The following ECT2L variants were observed in gnomAD, a reference collection of about 807,000 sequenced individuals.
ECT2L encodes the protein epithelial cell transforming 2 like.
ECT2L carries 126 observed loss-of-function variants against 122.8 expected under a neutral mutation model. The observed-to-expected ratio is 1.03, with a 90% CI of 0.89 to 1.19. The LOEUF is 1.19. Among genes scored for constraint, ECT2L ranks in the 50% most tolerant of loss-of-function variants. ECT2L has a pLI of 0.00. For synonymous variants in ECT2L, 385 were observed against 381.8 expected (o/e 1.01, Z -0.10); for missense variants, 1,012 against 1,064.1 (o/e 0.95, Z 0.68).
chr6:138,879,171 A>G, intron 14 of ECT2L: 1 of 267,558 alleles, frequency 3.7e-6, no homozygotes, highest in South Asian at 4.0e-5. Context: ...CGCCTCATTG[A>G]CAAGCCTTGC....
chr6:138,849,813 C>G (rs528964665), intron 9 of ECT2L, among the ~76,000 whole-genome samples: 1 of 152,248 alleles, frequency 6.6e-6, no homozygotes, highest in Non-Finnish European at 1.5e-5. Context: ...CTTAGCCTCT[C>G]AAAGGGCTGG....
intron 12 of ECT2L, among the ~76,000 whole-genome samples, chr6:138,867,402 C>T (rs776227349): frequency 4.0e-5 from 6 of 151,896 alleles, no homozygotes; most frequent in Non-Finnish European, 5.9e-5. Context: ...GGGTCCAGTA[C>T]GGTGGCTCAT....
intron 1 of ECT2L, 56 bp downstream of exon 1, chr6:138,796,248 A>G (rs1365054952): frequency 6.6e-6 from 1 of 152,274 alleles, no homozygotes; most frequent in Non-Finnish European, 1.5e-5. Context: ...CCCGGGGCAC[A>G]TCGCCTGGGC....
chr6:138,896,510 T>C (rs1162728573), intron 20 of ECT2L, among the ~76,000 whole-genome samples: 2 of 152,204 alleles, frequency 1.3e-5, no homozygotes, highest in African/African-American at 2.4e-5. Flanking sequence ...GATACTAGAC[T>C]TTGGTCCAGA....
chr6:138,847,559 T>A (rs958440412), intron 8 of ECT2L, among the ~76,000 whole-genome samples: 1 of 146,424 alleles, frequency 6.8e-6, no homozygotes, highest in East Asian at 2.0e-4. Context: ...TTTTTTTTTT[T>A]AGTAAAGACG....
chr6:138,868,691 G>A (rs1778137377), intron 13 of ECT2L, among the ~76,000 whole-genome samples: 1 of 152,056 alleles, frequency 6.6e-6, no homozygotes, highest in African/African-American at 2.4e-5. Flanking sequence ...GCTGGGGATG[G>A]GTGTAGGAGA....
chr6:138,872,318 C>A (rs2128402977), intron 13 of ECT2L, among the ~76,000 whole-genome samples: 1 of 152,318 alleles, frequency 6.6e-6, no homozygotes, highest in Non-Finnish European at 1.5e-5. Flanking sequence ...ACCAGCTAAC[C>A]ACATGCTAGA....
chr6:138,824,541 TAAAA>T (rs147704560), intron 4 of ECT2L, among the ~76,000 whole-genome samples: 2 of 121,310 alleles, frequency 1.6e-5, no homozygotes, highest in South Asian at 5.2e-4. Context: ...AAAAAAGCAA[TAAAA>T]AAAAAAAAAC....
intron 3 of ECT2L, 22 bp downstream of exon 3, chr6:138,813,362 A>G (rs906935871): frequency 4.5e-6 from 7 of 1,569,542 alleles, no homozygotes; most frequent in Non-Finnish European, 5.2e-6. Flanking sequence ...ACTTTAAAAC[A>G]GAACAAGTTT....
chr6:138,894,621 G>A (rs938626526), intron 20 of ECT2L, among the ~76,000 whole-genome samples: 2 of 152,294 alleles, frequency 1.3e-5, no homozygotes, highest in East Asian at 3.9e-4. Context: ...CTTGCCTAGG[G>A]CAATTGTTCC....
At chr6:138,862,356 A>G (rs1777863865) in intron 10 of ECT2L, among the ~76,000 whole-genome samples, 1 of 152,132 alleles carries the variant, frequency 6.6e-6, no homozygotes, top group South Asian at 2.1e-4. Flanking sequence ...TCACATGGCA[A>G]GAGCAGGAAC....
chr6:138,822,737 G>A (rs1776309225), intron 4 of ECT2L: 2 of 1,588,752 alleles, frequency 1.3e-6, no homozygotes, highest in Non-Finnish European at 1.7e-6. Flanking sequence ...TTCCATCTGA[G>A]ATTGGAGCCA....
chr6:138,896,733 C>T (rs989978122), intron 20 of ECT2L, among the ~76,000 whole-genome samples: 3 of 152,042 alleles, frequency 2.0e-5, no homozygotes, highest in East Asian at 1.9e-4. Flanking sequence ...CTGCAACCTC[C>T]GCCTCCTGGG....
rs1308083635 is a variant in ECT2L, at chr6:138,903,948, C to T, written c.*1321C>T. ...TATAGTATTTAAACATTTTTTCTTT[C>T]AGAAATGAAAATACAAAATCTTCTA... On this transcript the variant is annotated 3_prime_UTR_variant, in exon 22 of 22. Coordinates refer to ENST00000541398, the MANE Select transcript of ECT2L (RefSeq NM_001077706.3). The T allele has an allele frequency of 1.3e-5, 2 of 152,028 alleles. No individual in the cohort carries two copies. Among genetic ancestry groups the T allele is most frequent in the Admixed American group, 6.5e-5 (1 of 15,272 alleles). The allele number at this position is 152,028 out of a possible 1,614,324, so 9.4% of individuals were successfully genotyped here.
intron 20 of ECT2L, among the ~76,000 whole-genome samples, chr6:138,898,465 T>C (rs1779287189): frequency 6.6e-6 from 1 of 152,198 alleles, no homozygotes; most frequent in Non-Finnish European, 1.5e-5. Flanking sequence ...CATGGTACTC[T>C]TGGACATTTT....
intron 15 of ECT2L, among the ~76,000 whole-genome samples, 200 bp from the exon 16 acceptor site, chr6:138,882,524 A>C (rs1461142730): frequency 6.6e-6 from 1 of 152,074 alleles, no homozygotes; most frequent in African/African-American, 2.4e-5. Context: ...GTGGGATTCC[A>C]CCCCGGCCAA....
At chr6:138,849,492 C>T (rs1777356312) in intron 9 of ECT2L, 58 bp downstream of exon 9, 4 of 1,503,656 alleles carry the variant, frequency 2.7e-6, no homozygotes, top group Non-Finnish European at 3.6e-6. Flanking sequence ...GCACTTTGTC[C>T]ACAGTGTGAC....
chr6:138,836,107 T>C (rs553081514), intron 4 of ECT2L, among the ~76,000 whole-genome samples: 2 of 152,260 alleles, frequency 1.3e-5, no homozygotes, highest in Admixed American at 6.5e-5. Flanking sequence ...GCATATCAAT[T>C]TGTCCCATAG....
chr6:138,824,542 A>AT (rs1491340845), intron 4 of ECT2L, among the ~76,000 whole-genome samples: 1 of 16,820 alleles, frequency 5.9e-5, no homozygotes, highest in Non-Finnish European at 1.0e-4. Flanking sequence ...AAAAAGCAAT[A>AT]AAAAAAAAAA....
Sources: allele counts gnomAD v4.1 joint callset (sites outside exome capture counted in the v4.1 genomes callset), GRCh38; gene constraint gnomAD v4.1.1; transcripts MANE v1.5; gene names NCBI Gene and HGNC (gene_info 2026-07-23, HGNC 2026-07-21).